Variants in ODAD2 observed in about 807,000 individuals in gnomAD.
ODAD2 encodes the protein outer dynein arm-docking complex subunit 2.
Under a neutral mutation model 106.8 loss-of-function variants are expected in ODAD2, and 89 were observed. The ratio of observed to expected loss-of-function variants is 0.83; its 90% CI spans 0.70 to 0.99. ODAD2 has a LOEUF of 0.99. Among genes scored for constraint, ODAD2 ranks in the 50% least tolerant of loss-of-function variants. The pLI is 0.00. For missense variants in ODAD2, 1,168 were observed against 1,238.5 expected (o/e 0.94, Z 0.85); for synonymous variants, 404 against 436.2 (o/e 0.93, Z 0.92).
rs769554961 is a variant in ODAD2, at chr10:27,971,272, C to G, written c.978G>C (p.Gln326His). 1 of 1,613,050 alleles carries G rather than the reference C, an allele frequency of 6.2e-7. No homozygotes were observed. Among genetic ancestry groups the G allele is most frequent in the South Asian group, 1.1e-5 (1 of 90,878 alleles). The change falls in exon 8 of 20, where the codon CAG becomes CAC. Residue 326 changes from glutamine (Q) to histidine (H), a missense_variant. This residue lies in a region of ODAD2 where 430 missense variants were observed against 452.2 expected (regional missense o/e 0.95). Transcript: ENST00000305242. ...FSEDQQKEKD[Q>H]LGKAPKKEEA... ...CTTCCTTCTTGGGGGCTTTGCCAAG[C>G]TGATCCTTTTCCTTTTGCTGGTCTT...
At chr10:27,953,858 A>G (rs906810643) in intron 10 of ODAD2, among the ~76,000 whole-genome samples, 2 of 152,194 alleles carry the variant, frequency 1.3e-5, no homozygotes, top group Non-Finnish European at 2.9e-5. Flanking sequence ...GGGAAACGGG[A>G]AGAATACCAC....
chr10:27,883,379 CA>C (rs1194312499), intron 17 of ODAD2, among the ~76,000 whole-genome samples: 1 of 151,998 alleles, frequency 6.6e-6, no homozygotes, highest in Non-Finnish European at 1.5e-5. Context: ...TAAACAATAG[CA>C]AAAGCAACAA....
At chr10:27,964,470 C>T (rs1848362528) in intron 9 of ODAD2, among the ~76,000 whole-genome samples, 1 of 152,166 alleles carries the variant, frequency 6.6e-6, no homozygotes, top group Admixed American at 6.5e-5. Context: ...TATTATCAGG[C>T]ATATTCATTC....
At chr10:27,949,045 T>C (rs893067865) in intron 10 of ODAD2, among the ~76,000 whole-genome samples, 1 of 152,146 alleles carries the variant, frequency 6.6e-6, no homozygotes, top group South Asian at 2.1e-4. Context: ...TATTACCCTG[T>C]TTGGTATACA....
intron 17 of ODAD2, among the ~76,000 whole-genome samples, chr10:27,890,312 T>C (rs1462532251): frequency 6.6e-6 from 1 of 152,188 alleles, no homozygotes; most frequent in African/African-American, 2.4e-5. Flanking sequence ...CACGACAGCA[T>C]GCATTGTTTG....
intron 8 of ODAD2, among the ~76,000 whole-genome samples, chr10:27,970,833 G>C (rs1020824888): frequency 2.6e-5 from 4 of 151,876 alleles, no homozygotes; most frequent in Admixed American, 2.0e-4. Context: ...TTAGCCAGGC[G>C]TGGTGGCATG....
chr10:27,899,420 G>T (rs2184418), intron 17 of ODAD2, among the ~76,000 whole-genome samples: 100,075 of 151,326 alleles, frequency 0.66, 33,395 homozygotes, highest in Middle Eastern at 0.74. Context: ...CTGCAGGAGT[G>T]TTTTTTTCAT....
chr10:27,985,169 T>C lies in ODAD2; in HGVS notation c.425A>G (p.Asn142Ser), dbSNP rs1849800036. The C allele has an allele frequency of 6.3e-7, 1 of 1,584,810 alleles. No individual in the cohort carries two copies. Among genetic ancestry groups the C allele is most frequent in the Non-Finnish European group, 8.6e-7 (1 of 1,164,438 alleles). Residue 142 changes from asparagine (N) to serine (S), a missense_variant, in exon 4 of 20, where the codon AAT becomes AGT. Around this residue, in one of 3 missense-constraint regions of ODAD2, gnomAD observed 430 missense variants for 452.2 expected, o/e 0.95. Coordinates refer to ENST00000305242, the MANE Select transcript of ODAD2 (RefSeq NM_018076.5). ...PIVKILGSDY[N>S]TMKENSIALN... ...TGCAATTGAGTTTTCTTTCATTGTA[T>C]TATAATCAGAGCCCAGGATTTTTAC...
At chr10:27,939,459 T>C (rs558131299) in intron 14 of ODAD2, among the ~76,000 whole-genome samples, 7 of 152,296 alleles carry the variant, frequency 4.6e-5, no homozygotes, top group African/African-American at 1.4e-4. Context: ...CTTATGCCTG[T>C]AATCCCAGCA....
At chr10:27,991,567 A>G (rs1052100563) in intron 2 of ODAD2, among the ~76,000 whole-genome samples, 1 of 152,238 alleles carries the variant, frequency 6.6e-6, no homozygotes, top group Admixed American at 6.5e-5. Flanking sequence ...TGAGAACTAA[A>G]GCCACAAATA....
At chr10:27,952,090 A>AAAAAAAAAAAAAAAAAAAAAAC (rs1847376899) in intron 10 of ODAD2, among the ~76,000 whole-genome samples, 1 of 150,360 alleles carries the variant, frequency 6.7e-6, no homozygotes, top group Non-Finnish European at 1.5e-5. Flanking sequence ...AAAAAAAAAA[A>AAAAAAAAAAAAAAAAAAAAAAC]AAGACACACT....
At chr10:27,910,767 A>AAAAC (rs369923176) in intron 16 of ODAD2, among the ~76,000 whole-genome samples, 2 of 152,198 alleles carry the variant, frequency 1.3e-5, no homozygotes, top group South Asian at 2.1e-4. Flanking sequence ...AAAAAAACAA[A>AAAAC]AAACAAACAA....
chr10:27,815,462 C>G (rs898484669), intron 19 of ODAD2, among the ~76,000 whole-genome samples: 7 of 152,192 alleles, frequency 4.6e-5, no homozygotes, highest in Non-Finnish European at 8.8e-5. Flanking sequence ...TGTCTGCCTT[C>G]AGCTCTCCTC....
intron 19 of ODAD2, chr10:27,836,154 G>A (rs1837867143): frequency 6.6e-6 from 1 of 152,078 alleles, no homozygotes; most frequent in Non-Finnish European, 1.5e-5. Flanking sequence ...CTGTTCAAGG[G>A]TCAACTGTAT....
intron 10 of ODAD2, among the ~76,000 whole-genome samples, chr10:27,946,684 A>C (rs138298252): frequency 3.9e-5 from 6 of 152,242 alleles, no homozygotes; most frequent in Non-Finnish European, 7.4e-5. Flanking sequence ...CCTTCATACC[A>C]TGTCTTATAT....
chr10:27,857,439 T>G (rs1839736533), intron 19 of ODAD2, among the ~76,000 whole-genome samples: 1 of 152,194 alleles, frequency 6.6e-6, no homozygotes, highest in South Asian at 2.1e-4. Context: ...GTGTAGTGGG[T>G]CATGACCCCT....
chr10:27,847,155 A>G (rs1187809234), intron 19 of ODAD2, among the ~76,000 whole-genome samples: 1 of 152,186 alleles, frequency 6.6e-6, no homozygotes, highest in East Asian at 1.9e-4. Context: ...CCTGATGAAC[A>G]TTGATGCAAA....
rs769141612 is a variant in ODAD2, at chr10:27,862,407, T to C, written c.2799+27A>G. The C allele has an allele frequency of 1.6e-5, 25 of 1,569,002 alleles. No individual in the cohort carries two copies. In the African/African-American group the frequency reaches 2.6e-4, roughly 16 times the overall value. ...CCATGATATCTCAGGACAATATGCA[T>C]GTAAAACAAAAAGATGTGTTACTTA... On this transcript the variant is annotated intron_variant, in intron 18 of 19. Transcript: ENST00000305242.
At chr10:27,882,605 C>A (rs750117236) in intron 17 of ODAD2, among the ~76,000 whole-genome samples, 4 of 152,102 alleles carry the variant, frequency 2.6e-5, no homozygotes, top group Non-Finnish European at 5.9e-5. Flanking sequence ...AAGAAAAATG[C>A]CTGAATCTCA....
Sources: gnomAD v4.1 joint callset for allele counts (sites outside exome capture counted in the v4.1 genomes callset) on GRCh38, gnomAD v4.1.1 for gene constraint, gnomAD v4.1.1 regional missense constraint, MANE v1.5 for transcripts, NCBI Gene and HGNC (gene_info 2026-07-23, HGNC 2026-07-21) for gene names.